Variants in SUPT3H observed in about 807,000 individuals in gnomAD.
SUPT3H encodes transcription initiation protein SPT3 homolog.
A neutral mutation model predicts 44.3 loss-of-function variants in SUPT3H; 44 were observed. The observed-to-expected ratio is 0.99, with a 90% CI of 0.78 to 1.28. The LOEUF (loss-of-function observed/expected upper bound fraction) is 1.28, where lower values mean the gene tolerates loss of function less well. Ranked by LOEUF, SUPT3H falls within the 50% of genes most tolerant of loss-of-function variation. The pLI, the probability that SUPT3H is intolerant of heterozygous loss-of-function variation, is 0.00. For synonymous variants in SUPT3H, 124 were observed against 125.6 expected (o/e 0.99, Z 0.09); for missense variants, 380 against 387.1 (o/e 0.98, Z 0.15).
intron 3 of SUPT3H, chr6:45,098,721 C>G: frequency 2.5e-6 from 1 of 403,290 alleles, no homozygotes; most frequent in Non-Finnish European, 4.9e-6. Context: ...TGTTGGTAGT[C>G]TGGATAATAC....
chr6:45,090,526 G>C (rs567316980), intron 3 of SUPT3H, among the ~76,000 whole-genome samples: 30 of 151,910 alleles, frequency 2.0e-4, no homozygotes, highest in African/African-American at 6.7e-4. Context: ...TGAAAATGCA[G>C]GGACTTTTTT....
chr6:45,237,369 C>T (rs368972244), intron 2 of SUPT3H, among the ~76,000 whole-genome samples: 1 of 152,102 alleles, frequency 6.6e-6, no homozygotes, highest in Non-Finnish European at 1.5e-5. Flanking sequence ...GTGAAGGACC[C>T]GATGGACAAC....
chr6:45,191,463 T>C (rs986552821), intron 2 of SUPT3H, among the ~76,000 whole-genome samples: 5 of 152,148 alleles, frequency 3.3e-5, no homozygotes, highest in African/African-American at 1.2e-4. Flanking sequence ...GCAATGGAAC[T>C]ATTCTGTGTA....
intron 2 of SUPT3H, among the ~76,000 whole-genome samples, chr6:45,226,574 T>G (rs1766978324): frequency 6.6e-6 from 1 of 151,832 alleles, no homozygotes; most frequent in Non-Finnish European, 1.5e-5. Flanking sequence ...TGAGACGGAG[T>G]CTTGCTCTGT....
intron 2 of SUPT3H, among the ~76,000 whole-genome samples, chr6:45,129,173 C>G (rs1426526113): frequency 1.3e-5 from 2 of 152,200 alleles, no homozygotes; most frequent in Admixed American, 1.3e-4. Context: ...TAGGGCTCAT[C>G]TGAATTGCCC....
chr6:45,239,889 C>T (rs538561050), intron 2 of SUPT3H, among the ~76,000 whole-genome samples: 1 of 152,294 alleles, frequency 6.6e-6, no homozygotes, highest in African/African-American at 2.4e-5. Flanking sequence ...CTATGGAACA[C>T]CCCATATGCA....
chr6:44,965,796 G>A (rs1776698771), intron 6 of SUPT3H, among the ~76,000 whole-genome samples: 1 of 152,064 alleles, frequency 6.6e-6, no homozygotes, highest in East Asian at 1.9e-4. Flanking sequence ...CTTAAATACT[G>A]AGAAAGGGAG....
intron 2 of SUPT3H, among the ~76,000 whole-genome samples, chr6:45,107,611 T>C (rs1038298595): frequency 9.9e-5 from 15 of 152,164 alleles, no homozygotes; most frequent in African/African-American, 3.6e-4. Flanking sequence ...CAAGCATTAA[T>C]TTAAAGTGAT....
At chr6:44,956,684 C>T (rs1378249485) in intron 7 of SUPT3H, among the ~76,000 whole-genome samples, 3 of 151,942 alleles carry the variant, frequency 2.0e-5, no homozygotes, top group Admixed American at 6.5e-5. Context: ...AAGATATTTC[C>T]CTATTAAACC....
intron 2 of SUPT3H, among the ~76,000 whole-genome samples, chr6:45,126,547 T>C (rs1802454529): frequency 6.6e-6 from 1 of 152,202 alleles, no homozygotes; most frequent in Non-Finnish European, 1.5e-5. Context: ...GCACAGTAAC[T>C]ACTTTTCAGC....
At chr6:45,101,570 G>A (rs771824829) in intron 3 of SUPT3H, among the ~76,000 whole-genome samples, 20 of 152,088 alleles carry the variant, frequency 1.3e-4, no homozygotes, top group Non-Finnish European at 2.5e-4. Flanking sequence ...ATAATTTCTC[G>A]GGTTCCATAG....
chr6:45,072,386 A>G (rs2153553605), intron 3 of SUPT3H, among the ~76,000 whole-genome samples: 1 of 152,328 alleles, frequency 6.6e-6, no homozygotes, highest in East Asian at 1.9e-4. Context: ...GCCAGACCAT[A>G]AACTGTTATC....
chr6:45,158,246 A>G (rs1001254226), intron 2 of SUPT3H, among the ~76,000 whole-genome samples: 1 of 134,348 alleles, frequency 7.4e-6, no homozygotes, highest in Non-Finnish European at 1.6e-5. Flanking sequence ...ATAGATAGAT[A>G]ATGCCTATAT....
At chr6:45,284,112 A>G (rs888175874) in intron 2 of SUPT3H, among the ~76,000 whole-genome samples, 1 of 152,240 alleles carries the variant, frequency 6.6e-6, no homozygotes, top group Non-Finnish European at 1.5e-5. Context: ...AGGGAAATTT[A>G]GAGCACTACA....
At chr6:44,843,275 T>C (rs1320235631) in intron 10 of SUPT3H, among the ~76,000 whole-genome samples, 1 of 151,984 alleles carries the variant, frequency 6.6e-6, no homozygotes, top group Non-Finnish European at 1.5e-5. Flanking sequence ...AAGACATACA[T>C]AAAAACCCCA....
At chr6:45,075,675 C>T (rs184310955) in intron 3 of SUPT3H, among the ~76,000 whole-genome samples, 5 of 152,124 alleles carry the variant, frequency 3.3e-5, no homozygotes, top group Admixed American at 2.0e-4. Flanking sequence ...ATTTATATAA[C>T]GACTGCAAGT....
At chr6:44,932,537 A>C in intron 10 of SUPT3H, 116 bp downstream of exon 10, 1 of 675,014 alleles carries the variant, frequency 1.5e-6, no homozygotes, top group Non-Finnish European at 2.4e-6. Context: ...ATACAACAAA[A>C]TTACAGTCAC....
chr6:45,370,171 T>C (rs1563041350), intron 1 of SUPT3H, among the ~76,000 whole-genome samples: 1 of 152,188 alleles, frequency 6.6e-6, no homozygotes, highest in Non-Finnish European at 1.5e-5. Flanking sequence ...GTTATTGAGG[T>C]TGTGCAGACA....
At chr6:44,911,589 T>A (rs1358609828) in intron 10 of SUPT3H, among the ~76,000 whole-genome samples, 1 of 152,226 alleles carries the variant, frequency 6.6e-6, no homozygotes, top group African/African-American at 2.4e-5. Context: ...ATTTTTATTA[T>A]AATTTTTTGA....
Sources: allele counts gnomAD v4.1 joint callset (sites outside exome capture counted in the v4.1 genomes callset), GRCh38; gene constraint gnomAD v4.1.1; transcripts MANE v1.5; gene names NCBI Gene and HGNC (gene_info 2026-07-23, HGNC 2026-07-21).